Variants in FSIP2 observed in about 807,000 individuals in gnomAD.
The protein encoded by FSIP2 is fibrous sheath interacting protein 2.
In FSIP2, 367 loss-of-function variants were observed where a neutral mutation model predicts 510.5. The observed-to-expected ratio is 0.72, with a 90% CI of 0.66 to 0.78. The LOEUF (loss-of-function observed/expected upper bound fraction) is 0.78. Among genes scored for constraint, FSIP2 ranks in the 30% least tolerant of loss-of-function variants. FSIP2 has a pLI of 0.00. For missense variants in FSIP2, 7,594 were observed against 7,901.7 expected (o/e 0.96, Z 1.48); for synonymous variants, 2,601 against 2,732.2 (o/e 0.95, Z 1.50).
chr2:185,821,958 C>T (rs1693929233), intron 19 of FSIP2, among the ~76,000 whole-genome samples: 1 of 150,182 alleles, frequency 6.7e-6, no homozygotes, highest in Admixed American at 6.6e-5. Context: ...TGTAATACAT[C>T]ACATTAACAG....
At chr2:185,745,602 T>C (rs1003693871) in intron 5 of FSIP2, 34 bp downstream of exon 5, 1 of 1,504,098 alleles carries the variant, frequency 6.6e-7, no homozygotes, top group African/African-American at 1.4e-5. Context: ...TTTATGGGTA[T>C]GTTGTGGACC....
rs988956816 is a variant in FSIP2 at position 185,791,649 on chromosome 2, G to T, written c.4513G>T (p.Ala1505Ser). The T allele has an allele frequency of 4.6e-6, 7 of 1,533,890 alleles. No homozygotes were observed. The Admixed American group carries it at 1.2e-4, about 26-fold the overall frequency. Residue 1505 changes from alanine to serine, a missense_variant, in exon 16 of 23, where the codon GCA (alanine) becomes TCA (serine). By Grantham distance (99) the Ala-to-Ser change is moderately conservative. Transcript: ENST00000424728. The part of the protein sequence containing the change: ...LCGVDMDTSF[A>S]SCGLKAISES... ...TGGTGTTGACATGGATACCAGTTTT[G>T]CAAGTTGTGGATTAAAAGCTATCTC...
chr2:185,802,879 T>C lies in FSIP2; in HGVS notation c.13573T>C (p.Ser4525Pro). 6.7e-7 allele frequency: 1 copy of C among 1,498,744 alleles called. No individual in the cohort carries two copies. Among genetic ancestry groups the C allele is most frequent in the South Asian group, 1.3e-5 (1 of 77,050 alleles). 92.8% of individuals were successfully genotyped at this position (1,498,744 alleles called of 1,614,324 possible). A position where few individuals can be genotyped will look rare whatever the true frequency, so the allele number is the denominator to read the frequency against. The change falls in exon 17 of 23, where the codon TCA becomes CCA. Residue 4525 changes from serine (S) to proline (P), a missense_variant. Physicochemically the swap from Ser to Pro is moderately conservative, Grantham distance 74 (BLOSUM62 -1). Transcript: ENST00000424728. ...MKVSQHEIRF[S>P]KEEEETKFIY... The stretch of plus-strand genomic sequence containing the variant: ...AGTTTCCCAACATGAAATTCGATTT[T>C]CAAAAGAGGAAGAAGAAACCAAGTT...
At position 185,803,378 on chromosome 2, in the gene FSIP2, G is replaced by T. The variant is rs1157127281; in HGVS notation, c.14072G>T (p.Arg4691Met). 6.5e-7 allele frequency: 1 copy of T among 1,533,238 alleles called. No homozygotes were observed. The highest frequency in any genetic ancestry group is 1.2e-5 in the South Asian group (1 of 83,930). The allele number at this position is 1,533,238 out of a possible 1,614,324, so 95.0% of individuals were successfully genotyped here. Residue 4691 changes from arginine (R) to methionine (M), a missense_variant, in exon 17 of 23, where the codon AGG becomes ATG. Arg to Met is a moderately conservative substitution (Grantham distance 91). Transcript: ENST00000424728. The stretch of plus-strand genomic sequence containing the variant: ...AGACTGTGTTTACCTCCAGTGGAGA[G>T]GGATGTAGTCAAAACAATTGTTGAC... ...EERLCLPPVERDVVKTIVDMV... is the reference protein window; with the variant it reads ...EERLCLPPVEMDVVKTIVDMV...
In FSIP2 at chr2:185,794,979, G is replaced by T; in HGVS notation, c.7843G>T (p.Val2615Leu). Residue 2615 changes from valine to leucine, a missense_variant, in exon 16 of 23, where the codon GTG (valine) becomes TTG (leucine). Val to Leu is a conservative substitution (Grantham distance 32). Coordinates refer to ENST00000424728, the MANE Select transcript of FSIP2 (RefSeq NM_173651.4). The part of the protein sequence containing the change: ...YSYVDSQNIS[V>L]MENTLLPYLP... ...TTATGTCGACAGTCAAAATATCTCT[G>T]TGATGGAAAACACTCTTTTGCCATA... is the stretch of plus-strand genomic sequence containing the variant. 3.9e-6 allele frequency: 6 copies of T among 1,533,926 alleles called. No homozygotes were observed. The highest frequency in any genetic ancestry group is 5.2e-6 in the Non-Finnish European group (6 of 1,145,662).
chr2:185,813,986 C>A lies in FSIP2; in HGVS notation c.20269C>A (p.Pro6757Thr). The change falls in exon 18 of 23, where the codon CCA becomes ACA. Residue 6757 changes from proline (P) to threonine (T), a missense_variant. Physicochemically the swap from Pro to Thr is conservative, Grantham distance 38. Coordinates refer to ENST00000424728, the MANE Select transcript of FSIP2 (RefSeq NM_173651.4). ...TGTTGCTGAGCTTGACATGGCCACA[C>A]CAAAGACGATGCCTGAAACAGCCTC... ...RAVAELDMAT[P>T]KTMPETASSS... 6.2e-7 allele frequency: 1 copy of A among 1,613,312 alleles called. No individual in the cohort carries two copies. The highest frequency in any genetic ancestry group is 1.1e-5 in the South Asian group (1 of 91,042).
chr2:185,798,448 G>A (rs950395920), intron 16 of FSIP2, among the ~76,000 whole-genome samples: 1 of 151,654 alleles, frequency 6.6e-6, no homozygotes, highest in African/African-American at 2.4e-5. Context: ...TCGTCATTTT[G>A]TATATCAAAA....
At position 185,808,154 on chromosome 2, in the gene FSIP2, A is replaced by T. The variant is rs1340093118; in HGVS notation, c.18848A>T (p.Asp6283Val). Residue 6283 changes from aspartate to valine, a missense_variant, in exon 17 of 23, where the codon GAT becomes GTT. Asp to Val is a radical substitution (Grantham distance 152, BLOSUM62 -3). Coordinates refer to ENST00000424728, the MANE Select transcript of FSIP2 (RefSeq NM_173651.4). ...ATGGGTAAAAGCAATGTCCTCTCTG[A>T]TACAATAGGCTTTTTAATGGTGAAT... ...DLMGKSNVLSDTIGFLMVNAI... is the reference protein window; with the variant it reads ...DLMGKSNVLSVTIGFLMVNAI... The T allele has an allele frequency of 6.2e-7, 1 of 1,611,212 alleles. No homozygotes were observed.
At chr2:185,751,461 C>CTGTGTGTGTGTGTGTGTGTG (rs56395901) in intron 7 of FSIP2, among the ~76,000 whole-genome samples, 1 of 135,782 alleles carries the variant, frequency 7.4e-6, no homozygotes, top group East Asian at 2.2e-4. Context: ...CTTTATTTTT[C>CTGTGTGTGTGTGTGTGTGTG]TGTGTGTGTG....
In FSIP2 at chr2:185,795,170, A is replaced by G. The variant is rs1693237748; in HGVS notation, c.8034A>G (p.Lys2678=). ...TTACCACTTTGCCTAAATTTACAAA[A>G]AAAACACACTTAGGACTGAGTGCTG... ...SKITTLPKFT[K]KTHLGLSAAK... The change falls in exon 16 of 23, where the codon AAA becomes AAG. Residue 2678 remains lysine (K), a synonymous_variant. Coordinates refer to ENST00000424728, the MANE Select transcript of FSIP2 (RefSeq NM_173651.4). 6.5e-6 allele frequency: 10 copies of G among 1,534,720 alleles called. No homozygotes were observed. Among genetic ancestry groups the G allele is most frequent in the Non-Finnish European group, 8.7e-6 (10 of 1,146,162 alleles).
chr2:185,777,862 C>T (rs187627332), intron 13 of FSIP2, among the ~76,000 whole-genome samples: 2 of 152,006 alleles, frequency 1.3e-5, no homozygotes, highest in African/African-American at 4.8e-5. Context: ...ATTATACTAG[C>T]CCCATGAGTT....
chr2:185,747,365 A>C lies in FSIP2; in HGVS notation c.812A>C (p.Lys271Thr), dbSNP rs73980266. Residue 271 changes from lysine to threonine, a missense_variant, in exon 7 of 23, where the codon AAA (lysine) becomes ACA (threonine). Transcript: ENST00000424728. Reference protein sequence around the residue: ...LLLTRMAEDVKREERIEEQQH... With the variant: ...LLLTRMAEDVTREERIEEQQH... ...CTGACAAGGATGGCAGAAGATGTTA[A>C]AAGAGAAGAGAGGATAGAAGAACAA... The C allele has an allele frequency of 1.3e-4, 197 of 1,533,584 alleles. 1 individual carries two copies. In the African/African-American group the frequency reaches 2.5e-3, roughly 20 times the overall value. 95.0% of individuals were successfully genotyped at this position (1,533,584 alleles called of 1,614,324 possible). A position where few individuals can be genotyped will look rare whatever the true frequency, so the allele number is the denominator to read the frequency against.
In FSIP2 at chr2:185,796,756, C is replaced by G; in HGVS notation, c.9620C>G (p.Pro3207Arg). 4 of 1,534,728 alleles carry G rather than the reference C, an allele frequency of 2.6e-6. No homozygotes were observed. The highest frequency in any genetic ancestry group is 3.5e-6 in the Non-Finnish European group (4 of 1,146,102). ...AAGTACAGGGTTTCATCAGATTTAC[C>G]CACCTCTGTCAGATCCTCTGTAGAA... ...KEKYRVSSDLPTSVRSSVEDT... is the reference protein window; with the variant it reads ...KEKYRVSSDLRTSVRSSVEDT... Residue 3207 changes from proline to arginine, a missense_variant, in exon 16 of 23, where the codon CCC becomes CGC. Pro to Arg is a moderately radical substitution (Grantham distance 103, BLOSUM62 -2). Transcript: ENST00000424728.
At chr2:185,747,872 CAT>C (rs1431979508) in intron 7 of FSIP2, among the ~76,000 whole-genome samples, 1 of 151,990 alleles carries the variant, frequency 6.6e-6, no homozygotes, top group African/African-American at 2.4e-5. Context: ...TTAGTTCTCA[CAT>C]ATACACATAC....
chr2:185,801,400 AG>A lies in FSIP2; in HGVS notation c.12096del (p.Arg4032SerfsTer29). The A allele has an allele frequency of 6.5e-7, 1 of 1,534,192 alleles. No individual in the cohort carries two copies. ...QVTVLRNAEE[R>X]LCFPPVHTET... is the part of the protein sequence containing the mutation. ...CACTGTTCTACGGAATGCTGAAGAAAGGCTGTGTTTTCCACCAGTTCATACA... is the reference window on the plus strand; with the variant it reads ...CACTGTTCTACGGAATGCTGAAGAAAGCTGTGTTTTCCACCAGTTCATACA... On this transcript the variant is annotated frameshift_variant, in exon 17 of 23. Transcript: ENST00000424728. LOFTEE classifies it high-confidence loss of function.
chr2:185,795,379 A>G lies in FSIP2; in HGVS notation c.8243A>G (p.Glu2748Gly), dbSNP rs1246920394. The G allele has an allele frequency of 6.5e-7, 1 of 1,534,868 alleles. No individual in the cohort carries two copies. The highest frequency in any genetic ancestry group is 8.7e-7 in the Non-Finnish European group (1 of 1,146,194). ...YAKDIIINIL[E>G]TIVKEFGKVK... Reference sequence around the variant, plus strand: ...AAGGATATAATAATTAACATCCTAGAAACAATTGTGAAGGAATTTGGAAAG... The same window carrying G: ...AAGGATATAATAATTAACATCCTAGGAACAATTGTGAAGGAATTTGGAAAG... Residue 2748 changes from glutamate to glycine, a missense_variant, in exon 16 of 23, where the codon GAA becomes GGA. Coordinates refer to ENST00000424728, the MANE Select transcript of FSIP2 (RefSeq NM_173651.4).
At position 185,790,489 on chromosome 2, in the gene FSIP2, T is replaced by C; in HGVS notation, c.3353T>C (p.Leu1118Pro). ...NIVTSILKEM[L>P]KDISSVPFGH... Reference sequence around the variant, plus strand: ...GTCACAAGTATTTTAAAGGAAATGCTCAAGGACATATCTTCCGTTCCTTTT... The same window carrying C: ...GTCACAAGTATTTTAAAGGAAATGCCCAAGGACATATCTTCCGTTCCTTTT... Residue 1118 changes from leucine to proline, a missense_variant, in exon 16 of 23, where the codon CTC (leucine) becomes CCC (proline). Transcript: ENST00000424728. 1 of 1,534,218 alleles carries C rather than the reference T, an allele frequency of 6.5e-7. No individual in the cohort carries two copies. The highest frequency in any genetic ancestry group is 8.7e-7 in the Non-Finnish European group (1 of 1,145,622).
At position 185,815,472 on chromosome 2, in the gene FSIP2, G is replaced by T. The variant is rs1574204420; in HGVS notation, c.20426+1G>T. 37 of 1,292,922 alleles carry T rather than the reference G, an allele frequency of 2.9e-5. No individual in the cohort carries two copies. The highest frequency in any genetic ancestry group is 3.9e-5 in the Non-Finnish European group (36 of 914,308). 80.1% of individuals were successfully genotyped at this position (1,292,922 alleles called of 1,614,324 possible). On this transcript the variant is annotated splice_donor_variant, in intron 19 of 22. Transcript: ENST00000424728. LOFTEE classifies it high-confidence loss of function. ...AAGAAGATCTCATTTCATCTACTGG[G>T]TATATGAAATTAAAGCAGTAGAAAT...
intron 14 of FSIP2, 92 bp from the exon 15 acceptor site, chr2:185,786,160 A>T: frequency 1.2e-6 from 1 of 820,324 alleles, no homozygotes; most frequent in East Asian, 2.7e-5. Flanking sequence ...TCTTAGATAC[A>T]ACAAAATGAT....
Sources: allele counts gnomAD v4.1 joint callset (sites outside exome capture counted in the v4.1 genomes callset), GRCh38; gene constraint gnomAD v4.1.1; transcripts MANE v1.5; gene names NCBI Gene and HGNC (gene_info 2026-07-23, HGNC 2026-07-21).